The following MELTF variants were observed in gnomAD, a reference collection of about 807,000 sequenced individuals.
The protein encoded by MELTF is antigen p97 (melanoma associated) identified by monoclonal antibodies 133.2 and 96.5.
A neutral mutation model predicts 83.7 loss-of-function variants in MELTF; 67 were observed. That is an observed-to-expected ratio of 0.80 (90% CI 0.66 to 0.98). The LOEUF is 0.98. Ranked by LOEUF, MELTF falls within the 50% of genes least tolerant of loss-of-function variation. MELTF has a pLI of 0.00. For missense variants in MELTF, 1,002 were observed against 1,035.6 expected (o/e 0.97, Z 0.44); for synonymous variants, 462 against 447.6 (o/e 1.03, Z -0.41).
rs938851096 is a variant in MELTF at position 197,006,226 on chromosome 3, A to G, written c.1938+323T>C. ...GACAGAGTAAGACTCCGTCTCAAAA[A>G]AAAAAGAAAAAAAGGGAGCAGGATT... On this transcript the variant is annotated intron_variant, in intron 14 of 15. Coordinates refer to ENST00000296350, the MANE Select transcript of MELTF (RefSeq NM_005929.6). This position sits in a 1 kb window ranked among gnomAD's most constrained non-coding sequence, Gnocchi z 5.4. Among the ~76,000 whole-genome samples the G allele has an allele frequency of 6.6e-6, 1 of 152,094 alleles. No individual in the cohort carries two copies. The highest frequency in any genetic ancestry group is 1.9e-4 in the East Asian group (1 of 5,164).
In MELTF at chr3:197,027,905, C is replaced by T. The variant is rs750544772; in HGVS notation, c.55G>A (p.Gly19Ser). The T allele has an allele frequency of 2.0e-5, 31 of 1,585,600 alleles. No individual in the cohort carries two copies. Among genetic ancestry groups the T allele is most frequent in the Middle Eastern group, 1.9e-4 (1 of 5,218 alleles). ...WLLLALRTVL[G>S]GMEVRWCATS... ...GCGCACCACCGCACCTCCATGCCAC[C>T]GAGCACTGCGGGCAGGGGACCGTGA... is the stretch of plus-strand genomic sequence containing the variant. Residue 19 changes from glycine (G) to serine (S), a missense_variant, in exon 2 of 16, where the codon GGT (glycine) becomes AGT (serine). Gly to Ser is a moderately conservative substitution (Grantham distance 56, BLOSUM62 0). Transcript: ENST00000296350.
chr3:197,026,519 TA>T, intron 3 of MELTF, 140 bp downstream of exon 3: 1 of 699,226 alleles, frequency 1.4e-6, no homozygotes, highest in Non-Finnish European at 2.5e-6. Context: ...GAGAGAGCCT[TA>T]GGGCGTTCTT....
intron 9 of MELTF, among the ~76,000 whole-genome samples, chr3:197,013,965 C>T (rs912770670): frequency 5.3e-5 from 8 of 152,224 alleles, no homozygotes; most frequent in East Asian, 1.9e-4. Flanking sequence ...AACTACAAAT[C>T]GAACTATTGA....
chr3:197,021,444 C>T lies in MELTF; in HGVS notation c.672G>A (p.Val224=), dbSNP rs1719619662. The change falls in exon 6 of 16, where the codon GTG becomes GTA. Residue 224 remains valine (V), a synonymous_variant. Transcript: ENST00000296350. ...GTACCGTGCTGTGCTTCACAAAAGC[C>T]ACGTCCCCTGCCCCTTCCGCCAGGC... ...FRCLAEGAGD[V]AFVKHSTVLE... 1 of 1,614,120 alleles carries T rather than the reference C, an allele frequency of 6.2e-7. No individual in the cohort carries two copies. The highest frequency in any genetic ancestry group is 8.5e-7 in the Non-Finnish European group (1 of 1,180,024).
At position 197,009,012 on chromosome 3, in the gene MELTF, G is replaced by A. The variant is rs200265268; in HGVS notation, c.1526-47C>T. The A allele has an allele frequency of 5.0e-6, 8 of 1,608,298 alleles. No individual in the cohort carries two copies. In the African/African-American group the frequency reaches 1.1e-4, roughly 21 times the overall value. On this transcript the variant is annotated intron_variant, in intron 11 of 15. Transcript: ENST00000296350. Reference sequence around the variant, plus strand: ...TGATGAGGGGCCAGCAGTGGAAAGTGTGGGAGGGAGCTGGGCGGGCCGCTC... The same window carrying A: ...TGATGAGGGGCCAGCAGTGGAAAGTATGGGAGGGAGCTGGGCGGGCCGCTC...
At chr3:197,009,104 G>T in intron 11 of MELTF, 139 bp from the exon 12 acceptor site, 1 of 965,796 alleles carries the variant, frequency 1.0e-6, no homozygotes, top group Non-Finnish European at 1.5e-6. Context: ...GCTCCCCTCA[G>T]CTCTGAGTGG....
chr3:197,016,107 C>A, intron 8 of MELTF, 82 bp downstream of exon 8: 1 of 1,290,544 alleles, frequency 7.7e-7, no homozygotes, highest in Non-Finnish European at 1.0e-6. Context: ...GCGTCTTCCC[C>A]CGGCCACTTT....
At chr3:197,027,187 G>C (rs1334422400) in intron 2 of MELTF, 1 of 201,620 alleles carries the variant, frequency 5.0e-6, no homozygotes, top group African/African-American at 2.3e-5. Context: ...CTTGGCCCCA[G>C]TGTGGGCCTG....
In MELTF at chr3:197,022,954, C is replaced by G; in HGVS notation, c.644+3G>C. The G allele has an allele frequency of 6.2e-7, 1 of 1,604,906 alleles. No individual in the cohort carries two copies. ...GGCCCCTCCCTGCCCCCACTCCGCT[C>G]ACCGGAAGGCCCCGCTGTAGTCGTA... On this transcript the variant is annotated splice_donor_region_variant and intron_variant, in intron 5 of 15. Coordinates refer to ENST00000296350, the MANE Select transcript of MELTF (RefSeq NM_005929.6). The surrounding 1 kb of genome is among the most constrained non-coding windows in gnomAD (Gnocchi z 5.1).
intron 1 of MELTF, 30 bp from the exon 2 acceptor site, chr3:197,027,940 C>T: frequency 6.5e-7 from 1 of 1,540,334 alleles, no homozygotes; most frequent in Non-Finnish European, 8.8e-7. Flanking sequence ...AGGCCCGGCT[C>T]CCCCGCCCTG....
Position 197,021,462 on chromosome 3 carries a change from C to T in MELTF, c.654G>A (p.Ala218=), listed in dbSNP as rs755687629. The stretch of plus-strand genomic sequence containing the variant: ...CAAAAGCCACGTCCCCTGCCCCTTC[C>T]GCCAGGCACCTGCGGAGGAGAAGCT... ...YDYSGAFRCL[A]EGAGDVAFVK... The change falls in exon 6 of 16, where the codon GCG becomes GCA. Residue 218 remains alanine, a synonymous_variant. Coordinates refer to ENST00000296350, the MANE Select transcript of MELTF (RefSeq NM_005929.6). The T allele has an allele frequency of 9.9e-6, 16 of 1,613,848 alleles. No individual in the cohort carries two copies. The highest frequency in any genetic ancestry group is 1.6e-4 in the Middle Eastern group (1 of 6,084).
chr3:197,005,684 C>T (rs1577924439), intron 14 of MELTF, among the ~76,000 whole-genome samples: 1 of 152,174 alleles, frequency 6.6e-6, no homozygotes, highest in Non-Finnish European at 1.5e-5. Context: ...TGGCCAGTGC[C>T]ACTGAGAGGT....
At position 197,008,438 on chromosome 3, in the gene MELTF, T is replaced by C. The variant is rs1490641731; in HGVS notation, c.1750+219A>G. On this transcript the variant is annotated intron_variant, in intron 13 of 15. Coordinates refer to ENST00000296350, the MANE Select transcript of MELTF (RefSeq NM_005929.6). This position sits in a 1 kb window ranked among gnomAD's most constrained non-coding sequence, Gnocchi z 5.4. ...ATTAGGGACTTGAATTCCAGGCCAG[T>C]AAAAACCGTCATGTATCCAGCACCC... Among the ~76,000 whole-genome samples the C allele has an allele frequency of 3.3e-5, 5 of 152,190 alleles. No individual in the cohort carries two copies. The highest frequency in any genetic ancestry group is 1.2e-4 in the African/African-American group (5 of 41,436).
At chr3:197,014,581 A>G (rs534327669) in intron 9 of MELTF, among the ~76,000 whole-genome samples, 4 of 151,950 alleles carry the variant, frequency 2.6e-5, no homozygotes, top group African/African-American at 9.7e-5. Flanking sequence ...GTAGAAACAG[A>G]GTTTCACCAT....
intron 6 of MELTF, chr3:197,019,909 T>G: frequency 1.4e-6 from 2 of 1,412,386 alleles, no homozygotes; most frequent in Non-Finnish European, 1.9e-6. Context: ...CAGAACGGTG[T>G]GTTTGCTGCT....
chr3:197,017,648 T>G (rs189585347), intron 6 of MELTF, among the ~76,000 whole-genome samples: 4 of 151,806 alleles, frequency 2.6e-5, no homozygotes, highest in South Asian at 2.1e-4. Flanking sequence ...GAGGCCGAGG[T>G]GGGCGGATCA....
chr3:197,015,368 G>A lies in MELTF; in HGVS notation c.1230C>T (p.Ile410=), dbSNP rs150274803. 4.5e-6 allele frequency: 7 copies of A among 1,559,104 alleles called. No individual in the cohort carries two copies. The highest frequency in any genetic ancestry group is 6.1e-6 in the Non-Finnish European group (7 of 1,151,538). The part of the protein sequence containing the change: ...AKSPQHCMER[I]QAEQVDAVTL... The stretch of plus-strand genomic sequence containing the variant: ...GCTGCACCTGCGTGACTCCCACCTG[G>A]ATCCGCTCCATGCAGTGTTGGGGGG... Residue 410 remains isoleucine (I), a synonymous_variant, in exon 9 of 16, where the codon ATC becomes ATT. Coordinates refer to ENST00000296350, the MANE Select transcript of MELTF (RefSeq NM_005929.6).
intron 5 of MELTF, 46 bp from the exon 6 acceptor site, chr3:197,021,517 CTGCCCA>C: frequency 6.3e-7 from 1 of 1,578,772 alleles, no homozygotes; most frequent in Non-Finnish European, 8.7e-7. Flanking sequence ...GCCCCTGCCC[CTGCCCA>C]TCTTCCACCT....
intron 6 of MELTF, among the ~76,000 whole-genome samples, chr3:197,017,984 G>T (rs181339061): frequency 6.6e-6 from 1 of 152,334 alleles, no homozygotes; most frequent in Admixed American, 6.5e-5. Flanking sequence ...GGGGCAGGGG[G>T]CAGGGCTCCC....
Sources: gnomAD v4.1 joint callset for allele counts (sites outside exome capture counted in the v4.1 genomes callset) on GRCh38, gnomAD v4.1.1 for gene constraint, Gnocchi (gnomAD v3.1) non-coding constraint, MANE v1.5 for transcripts, NCBI Gene and HGNC (gene_info 2026-07-23, HGNC 2026-07-21) for gene names.